DENND2B: variants seen among roughly 807,000 people sequenced by gnomAD.
DENND2B encodes the protein DENN domain-containing protein 2B.
DENND2B carries 32 observed loss-of-function variants against 116.0 expected under a neutral mutation model. The observed-to-expected ratio is 0.28, with a 90% CI of 0.21 to 0.37. DENND2B has a LOEUF of 0.37. Among genes scored for constraint, DENND2B ranks in the 10% least tolerant of loss-of-function variants. The pLI is 1.00. For missense variants in DENND2B, 1,276 were observed against 1,477.7 expected, an observed-to-expected ratio of 0.86 and a Z score of 2.24; for synonymous variants, 588 against 583.9, an observed-to-expected ratio of 1.01 and a Z score of -0.10.
At chr11:8,715,251 TGA>T (rs2044522175) in intron 6 of DENND2B, among the ~76,000 whole-genome samples, 1 of 152,220 alleles carries the variant, frequency 6.6e-6, no homozygotes, top group Admixed American at 6.5e-5. Context: ...TCTTCAATGC[TGA>T]GAGTTATAGG....
intron 1 of DENND2B, among the ~76,000 whole-genome samples, chr11:8,764,373 T>C (rs1293271117): frequency 2.0e-5 from 3 of 152,226 alleles, no homozygotes; most frequent in Admixed American, 1.3e-4. Context: ...AAAGCACACC[T>C]ATATAGCCAG....
chr11:8,857,088 G>C (rs76640038), intron 3 of DENND2B, among the ~76,000 whole-genome samples: 5,334 of 152,126 alleles, frequency 0.035, 126 homozygotes, highest in African/African-American at 0.057. Flanking sequence ...ATGTTATCTT[G>C]TATCCCTCCT....
intron 3 of DENND2B, among the ~76,000 whole-genome samples, chr11:8,853,235 C>G (rs181975483): frequency 1.2e-3 from 184 of 152,242 alleles, no homozygotes; most frequent in African/African-American, 4.2e-3. Flanking sequence ...TGGTGGCACA[C>G]ACCTGTAATC....
At chr11:8,781,025 G>C (rs2058319121) in intron 1 of DENND2B, among the ~76,000 whole-genome samples, 1 of 152,136 alleles carries the variant, frequency 6.6e-6, no homozygotes, top group Non-Finnish European at 1.5e-5. Flanking sequence ...CCAGGGAAGG[G>C]AAGGGAATCT....
chr11:8,727,361 G>A (rs1312392368), intron 3 of DENND2B, among the ~76,000 whole-genome samples: 3 of 152,050 alleles, frequency 2.0e-5, no homozygotes, highest in African/African-American at 4.8e-5. Context: ...CCCCTGCCCC[G>A]CCCCAAGCAC....
At chr11:8,782,371 T>C (rs2058457502) in intron 1 of DENND2B, among the ~76,000 whole-genome samples, 1 of 152,200 alleles carries the variant, frequency 6.6e-6, no homozygotes. Context: ...TTTATCAGTA[T>C]CAGGAGGAGG....
chr11:8,836,673 G>A (rs764511350), intron 4 of DENND2B, among the ~76,000 whole-genome samples: 1 of 151,804 alleles, frequency 6.6e-6, no homozygotes. Context: ...ACCCGCCTCA[G>A]CCTCCCAAAG....
intron 1 of DENND2B, among the ~76,000 whole-genome samples, chr11:8,762,607 T>A (rs1238766301): frequency 6.6e-6 from 1 of 152,228 alleles, no homozygotes; most frequent in East Asian, 1.9e-4. Context: ...ATGCCTGTAA[T>A]CCCAGCACTT....
chr11:8,697,831 A>T (rs2133679378), intron 16 of DENND2B, 195 bp from the exon 17 acceptor site: 1 of 602,420 alleles, frequency 1.7e-6, no homozygotes, highest in South Asian at 1.9e-5. Flanking sequence ...GATTACAGAG[A>T]TTAAAAGTGG....
chr11:8,888,640 C>G (rs1029750298), intron 1 of DENND2B, among the ~76,000 whole-genome samples: 8 of 151,972 alleles, frequency 5.3e-5, no homozygotes, highest in African/African-American at 1.9e-4. Flanking sequence ...AAAATGCAAC[C>G]CACAGAATGA....
intron 4 of DENND2B, among the ~76,000 whole-genome samples, chr11:8,723,374 C>A (rs1223832742): frequency 6.6e-6 from 1 of 152,180 alleles, no homozygotes; most frequent in Admixed American, 6.5e-5. Flanking sequence ...GTTCCACCAT[C>A]CAGGGCTCTG....
intron 1 of DENND2B, among the ~76,000 whole-genome samples, chr11:8,773,276 C>T (rs55902154): frequency 0.21 from 31,634 of 152,018 alleles, 3,438 homozygotes; most frequent in South Asian, 0.34. Flanking sequence ...TGCCTGCAGA[C>T]CACGGCCAGG....
chr11:8,726,144 T>C lies in DENND2B; in HGVS notation c.1406A>G (p.Asn469Ser). 1 of 1,614,174 alleles carries C rather than the reference T, an allele frequency of 6.2e-7. No homozygotes were observed. The highest frequency in any genetic ancestry group is 8.5e-7 in the Non-Finnish European group (1 of 1,180,012). The change falls in exon 4 of 20, where the codon AAT becomes AGT. Residue 469 changes from asparagine to serine, a missense_variant. Coordinates refer to ENST00000313726, the MANE Select transcript of DENND2B (RefSeq NM_213618.2). ...QSLYPSSPTENGTENQPKFGS... is the reference protein window; with the variant it reads ...QSLYPSSPTESGTENQPKFGS... ...AAACTTGGGTTGGTTCTCAGTACCA[T>C]TCTCAGTGGGAGAAGAGGGGTACAG...
At chr11:8,726,014 G>A in intron 4 of DENND2B, 59 bp downstream of exon 4, 1 of 1,610,654 alleles carries the variant, frequency 6.2e-7, no homozygotes, top group Non-Finnish European at 8.5e-7. Context: ...GTCTCCTCCT[G>A]TTCCTGTTCT....
upstream of DENND2B, among the ~76,000 whole-genome samples, chr11:8,812,072 CAG>C (rs1344605074): frequency 2.0e-5 from 3 of 152,174 alleles, no homozygotes; most frequent in African/African-American, 7.2e-5. Context: ...AACTGAGACT[CAG>C]AGAGATTAAA....
At chr11:8,769,239 C>CT (rs35488456) in intron 1 of DENND2B, among the ~76,000 whole-genome samples, 82,465 of 142,546 alleles carry the variant, frequency 0.58, 24,412 homozygotes, top group Non-Finnish European at 0.66. Context: ...AAAGCAACTT[C>CT]TTTTTTTTTT....
intron 1 of DENND2B, chr11:8,909,838 AAGG>A (rs1413636338): frequency 6.6e-6 from 1 of 152,058 alleles, no homozygotes; most frequent in Non-Finnish European, 1.5e-5. Context: ...AGGAGACTTA[AAGG>A]AGGATTTATT....
chr11:8,708,448 C>CAAA, intron 11 of DENND2B: 1 of 565,944 alleles, frequency 1.8e-6, no homozygotes, highest in Non-Finnish European at 2.2e-6. Flanking sequence ...GGATTATTAT[C>CAAA]CCCTTTATAG....
chr11:8,733,104 A>G (rs1314768560), intron 2 of DENND2B, among the ~76,000 whole-genome samples: 1 of 152,234 alleles, frequency 6.6e-6, no homozygotes, highest in Non-Finnish European at 1.5e-5. Context: ...GATGAGAGAA[A>G]TTCAGTGCCA....
Sources: allele counts gnomAD v4.1 joint callset (sites outside exome capture counted in the v4.1 genomes callset), GRCh38; gene constraint gnomAD v4.1.1; transcripts MANE v1.5; gene names NCBI Gene and HGNC (gene_info 2026-07-23, HGNC 2026-07-21).